SUMF1: variants seen among roughly 807,000 people sequenced by gnomAD.
The protein encoded by SUMF1 is formylglycine-generating enzyme.
In SUMF1, 48 loss-of-function variants were observed where a neutral mutation model predicts 47.6. The ratio of observed to expected loss-of-function variants is 1.01; its 90% CI spans 0.80 to 1.28. The LOEUF is 1.28. SUMF1 is among the 50% of genes most tolerant of loss of function. The pLI, the probability that SUMF1 is intolerant of heterozygous loss-of-function variation, is 0.00. For synonymous variants in SUMF1, 230 were observed against 192.1 expected, an observed-to-expected ratio of 1.20 and a Z score of -1.63; for missense variants, 571 against 485.4, an observed-to-expected ratio of 1.18 and a Z score of -1.66.
chr3:4,346,090 C>T (rs1478695193), intron 8 of SUMF1, among the ~76,000 whole-genome samples: 1 of 152,062 alleles, frequency 6.6e-6, no homozygotes, highest in African/African-American at 2.4e-5. Flanking sequence ...GAGACTTCAA[C>T]ACTCCACTAT....
intron 8 of SUMF1, among the ~76,000 whole-genome samples, chr3:4,375,765 G>T (rs531683951): frequency 8.5e-4 from 129 of 152,184 alleles, no homozygotes; most frequent in Middle Eastern, 3.4e-3. Context: ...CCTTATAAAG[G>T]TTATTTAGGA....
At chr3:4,353,276 G>A (rs909205087) in intron 8 of SUMF1, among the ~76,000 whole-genome samples, 32 of 152,038 alleles carry the variant, frequency 2.1e-4, no homozygotes, top group African/African-American at 7.5e-4. Flanking sequence ...TTTTTGAGAC[G>A]GAATCTCACT....
rs1034572012 is a variant in SUMF1 at position 4,376,499 on chromosome 3, C to T, written c.955-110G>A. On this transcript the variant is annotated intron_variant, in intron 7 of 8. Coordinates refer to ENST00000272902, the MANE Select transcript of SUMF1 (RefSeq NM_182760.4). ...CAGCTCTCTCATGGTTGCCTAAACTCTCCACATGCATTTCCACCCCTAGGC... is the reference window on the plus strand; with the variant it reads ...CAGCTCTCTCATGGTTGCCTAAACTTTCCACATGCATTTCCACCCCTAGGC... 5.5e-5 allele frequency: 61 copies of T among 1,117,944 alleles called. No homozygotes were observed. In the Admixed American group the frequency reaches 9.9e-4, roughly 18 times the overall value. The allele number at this position is 1,117,944 out of a possible 1,614,324, so 69.3% of individuals were successfully genotyped here. A position where few individuals can be genotyped will look rare whatever the true frequency, so the allele number is the denominator to read the frequency against.
chr3:4,448,664 T>A (rs540187667), intron 3 of SUMF1, among the ~76,000 whole-genome samples: 2 of 152,322 alleles, frequency 1.3e-5, no homozygotes, highest in Admixed American at 1.3e-4. Context: ...ATCACAAAGC[T>A]GCTTGTGAAA....
chr3:4,165,874 C>A (rs1307275897), intron 8 of SUMF1, among the ~76,000 whole-genome samples: 3 of 141,338 alleles, frequency 2.1e-5, no homozygotes, highest in South Asian at 2.4e-4. Flanking sequence ...CCCCCCCCCC[C>A]CGAGCAAGAA....
intron 8 of SUMF1, among the ~76,000 whole-genome samples, chr3:4,105,788 T>C (rs1693144771): frequency 6.6e-6 from 1 of 152,098 alleles, no homozygotes; most frequent in Non-Finnish European, 1.5e-5. Flanking sequence ...TATCATAAAT[T>C]GAATATGCAT....
chr3:4,357,789 G>A (rs1247877817), downstream of SUMF1, among the ~76,000 whole-genome samples: 1 of 151,666 alleles, frequency 6.6e-6, no homozygotes, highest in African/African-American at 2.4e-5. Flanking sequence ...TGTATTTTTA[G>A]TAGAGACGGG....
chr3:4,064,146 C>T (rs1243824), intron 9 of SUMF1, among the ~76,000 whole-genome samples: 148,354 of 152,126 alleles, frequency 0.98, 72,431 homozygotes, highest in Middle Eastern at 1. Flanking sequence ...TAGGCATTCT[C>T]AGTCATAGGA....
At chr3:4,036,230 G>A (rs9871224) in intron 9 of SUMF1, among the ~76,000 whole-genome samples, 192 of 152,342 alleles carry the variant, frequency 1.3e-3, no homozygotes, top group African/African-American at 4.4e-3. Flanking sequence ...AGGATCATGT[G>A]TATGAGAAAG....
intron 8 of SUMF1, among the ~76,000 whole-genome samples, chr3:4,083,274 A>T (rs1254412885): frequency 6.6e-6 from 1 of 152,188 alleles, no homozygotes; most frequent in Non-Finnish European, 1.5e-5. Flanking sequence ...CCTACCCTTT[A>T]AACATGACAT....
At chr3:4,064,330 C>T (rs112747403) in intron 9 of SUMF1, among the ~76,000 whole-genome samples, 1,484 of 123,064 alleles carry the variant, frequency 0.012, 25 homozygotes, top group South Asian at 0.039. Context: ...TAAAAAACAC[C>T]CTCCCCAGTG....
At chr3:4,464,404 GTGTGTGTT>G (rs1241624630) in intron 1 of SUMF1, among the ~76,000 whole-genome samples, 1 of 147,796 alleles carries the variant, frequency 6.8e-6, no homozygotes, top group East Asian at 2.0e-4. Context: ...GTGTGTGTCT[GTGTGTGTT>G]TGTGTGTGTG....
At chr3:4,176,415 A>C (rs1469257330) in intron 8 of SUMF1, among the ~76,000 whole-genome samples, 2 of 152,220 alleles carry the variant, frequency 1.3e-5, no homozygotes, top group African/African-American at 2.4e-5. Flanking sequence ...TTTCCAAAAC[A>C]GAATTTCATA....
In SUMF1 at chr3:4,217,514, T is replaced by TATATATATATATATATAAATATATATA. The variant is rs1553610066; in HGVS notation, c.1015-148770_1015-148769insTATATATATTTATATATATATATATAT. Among the ~76,000 whole-genome samples, 9 of 45,198 alleles carry TATATATATATATATATAAATATATATA rather than the reference T, an allele frequency of 2.0e-4. 2 individuals carry two copies. The highest frequency in any genetic ancestry group is 9.4e-4 in the African/African-American group (9 of 9,624). The allele number at this position is 45,198 out of a possible 152,430, so 29.7% of individuals were successfully genotyped here. On this transcript the variant is annotated intron_variant and NMD_transcript_variant, in intron 8 of 12. Coordinates refer to the SUMF1 transcript ENST00000448413. ...TGTATCCCAGAACTTAAAGTATTTT[T>TATATATATATATATATAAATATATATA]TATATATATATATATATATATATAT...
chr3:4,300,576 G>C (rs1697943055), intron 8 of SUMF1, among the ~76,000 whole-genome samples: 1 of 152,092 alleles, frequency 6.6e-6, no homozygotes, highest in African/African-American at 2.4e-5. Flanking sequence ...AGGTATAACT[G>C]TTATTATAAT....
intron 8 of SUMF1, among the ~76,000 whole-genome samples, chr3:4,261,471 T>G (rs1697083926): frequency 6.6e-6 from 1 of 152,212 alleles, no homozygotes; most frequent in South Asian, 2.1e-4. Context: ...TGCTGTCTAG[T>G]TTGGAATTTG....
intron 8 of SUMF1, among the ~76,000 whole-genome samples, chr3:4,164,043 A>T (rs947964871): frequency 6.6e-6 from 1 of 152,166 alleles, no homozygotes; most frequent in African/African-American, 2.4e-5. Context: ...AGTAGGGAAC[A>T]ACAAATGGGT....
chr3:4,074,405 C>G (rs542784632), intron 8 of SUMF1, among the ~76,000 whole-genome samples: 1 of 152,010 alleles, frequency 6.6e-6, no homozygotes. Flanking sequence ...CTAAAATCAA[C>G]ACCATAACAT....
At chr3:4,203,693 T>G (rs1312741568) in intron 8 of SUMF1, among the ~76,000 whole-genome samples, 2 of 152,016 alleles carry the variant, frequency 1.3e-5, no homozygotes, top group African/African-American at 2.4e-5. Context: ...TCTTCCTTTT[T>G]GTGGAAGTGG....
Sources: allele counts gnomAD v4.1 joint callset (sites outside exome capture counted in the v4.1 genomes callset), GRCh38; gene constraint gnomAD v4.1.1; transcripts MANE v1.5; gene names NCBI Gene and HGNC (gene_info 2026-07-23, HGNC 2026-07-21).